POU2F2: variants seen among roughly 807,000 people sequenced by gnomAD.
The protein encoded by POU2F2 is POU domain, class 2, transcription factor 2.
A neutral mutation model predicts 63.5 loss-of-function variants in POU2F2; 14 were observed. The observed-to-expected ratio is 0.22, with a 90% CI of 0.15 to 0.34. POU2F2 has a LOEUF of 0.34. POU2F2 is among the 10% of genes least tolerant of loss of function. The probability of loss-of-function intolerance (pLI) is 1.00; values close to 1 mark genes in which losing one functional copy is unlikely to be tolerated. For synonymous variants in POU2F2, 306 were observed against 348.6 expected, an observed-to-expected ratio of 0.88 and a Z score of 1.36; for missense variants, 607 against 815.2, an observed-to-expected ratio of 0.74 and a Z score of 3.11.
upstream of POU2F2, among the ~76,000 whole-genome samples, chr19:42,197,157 C>G (rs772211025): frequency 3.3e-5 from 5 of 152,190 alleles, no homozygotes; most frequent in African/African-American, 1.2e-4. Context: ...AGGGTCAGGG[C>G]AAGGGAGTGG....
intron 2 of POU2F2, among the ~76,000 whole-genome samples, chr19:42,158,582 G>A (rs1311551062): frequency 6.6e-6 from 1 of 152,150 alleles, no homozygotes; most frequent in Non-Finnish European, 1.5e-5. Context: ...AAAGCAAAGT[G>A]CCCAGAACAG....
intron 1 of POU2F2, among the ~76,000 whole-genome samples, chr19:42,183,424 G>A (rs2034983440): frequency 6.6e-6 from 1 of 152,142 alleles, no homozygotes; most frequent in Non-Finnish European, 1.5e-5. Context: ...GGTTGAAAAG[G>A]GCTGCAGTGG....
chr19:42,145,453 T>C (rs1178404014), intron 2 of POU2F2, among the ~76,000 whole-genome samples: 1 of 152,192 alleles, frequency 6.6e-6, no homozygotes, highest in African/African-American at 2.4e-5. Context: ...TCAGAGGAGT[T>C]TAACTTAACG....
intron 2 of POU2F2, among the ~76,000 whole-genome samples, chr19:42,140,711 C>T (rs1021959337): frequency 6.6e-6 from 1 of 152,222 alleles, no homozygotes; most frequent in Non-Finnish European, 1.5e-5. Context: ...GTCTCTTTCA[C>T]CCTCTAAAAT....
rs1332496819 is a variant in POU2F2, at chr19:42,086,921, G to A, written c.*4336C>T. ...TCTCCTTTTGTTTGTTTAACAAGGA[G>A]CTAACAATTCAAGGACAAATACTTA... On this transcript the variant is annotated 3_prime_UTR_variant, in exon 15 of 15. Coordinates refer to ENST00000692977, the MANE Select transcript of POU2F2 (RefSeq NM_001394376.1). 1 of 152,110 alleles carries A rather than the reference G, an allele frequency of 6.6e-6. No individual in the cohort carries two copies. Among genetic ancestry groups the A allele is most frequent in the Admixed American group, 6.6e-5 (1 of 15,260 alleles). The allele number at this position is 152,110 out of a possible 1,614,324, so 9.4% of individuals were successfully genotyped here.
At position 42,121,808 on chromosome 19, in the gene POU2F2, T is replaced by C. The variant is rs530079339; in HGVS notation, c.186+318A>G. On this transcript the variant is annotated intron_variant, in intron 4 of 14. Coordinates refer to ENST00000692977, the MANE Select transcript of POU2F2 (RefSeq NM_001394376.1). ...CTCAGCTGGCCGCTAAATGTGTATA[T>C]TGGGGGACAGGCGGTGGTGCAGGCC... Among the ~76,000 whole-genome samples, 8 of 152,182 alleles carry C rather than the reference T, an allele frequency of 5.3e-5. No homozygotes were observed. In the East Asian group the frequency reaches 5.8e-4, roughly 11 times the overall value.
intron 5 of POU2F2, among the ~76,000 whole-genome samples, chr19:42,107,362 A>G (rs879868350): frequency 6.6e-6 from 1 of 152,148 alleles, no homozygotes. Flanking sequence ...CTCAAAAAAA[A>G]TTAATTAATT....
rs886386855 is a variant in POU2F2 at position 42,169,864 on chromosome 19, G to C, written c.-70+6099C>G. ...CAGTCTGGATGAGTACCTTTTCTCT[G>C]TCTCTCTCTCTCTCACACACACACC... is the stretch of plus-strand genomic sequence containing the variant. On this transcript the variant is annotated intron_variant, in intron 1 of 6. Transcript: ENST00000524801. This position sits in a 1 kb window ranked among gnomAD's most constrained non-coding sequence, Gnocchi z 4.3. 6.6e-6 allele frequency among the ~76,000 whole-genome samples: 1 copy of C among 151,282 alleles called. No individual in the cohort carries two copies. Among genetic ancestry groups the C allele is most frequent in the South Asian group, 2.1e-4 (1 of 4,788 alleles).
At chr19:42,183,368 T>C (rs2034982861) in intron 1 of POU2F2, among the ~76,000 whole-genome samples, 2 of 152,112 alleles carry the variant, frequency 1.3e-5, no homozygotes, top group Admixed American at 1.3e-4. Context: ...TCCATTTACA[T>C]GAAATTCTAG....
upstream of POU2F2, chr19:42,133,582 CA>C (rs1435658206): frequency 6.5e-6 from 1 of 154,602 alleles, no homozygotes; most frequent in Admixed American, 6.5e-5. The surrounding 1 kb of genome is among the most constrained non-coding windows in gnomAD (Gnocchi z 5.1). Context: ...CGCCTGGACT[CA>C]CCCTCACACA....
upstream of POU2F2, among the ~76,000 whole-genome samples, chr19:42,135,331 A>G (rs1451089727): frequency 6.6e-6 from 1 of 152,088 alleles, no homozygotes; most frequent in African/African-American, 2.4e-5. Flanking sequence ...CCCTCTGCCC[A>G]GTCCCCTTGC....
At chr19:42,100,090 T>TC (rs1255418218) in intron 5 of POU2F2, among the ~76,000 whole-genome samples, 316 of 108,320 alleles carry the variant, frequency 2.9e-3, no homozygotes, top group Non-Finnish European at 5.0e-3. Context: ...TCTTTCTTTT[T>TC]TTTTTTTTTT....
At position 42,096,248 on chromosome 19, in the gene POU2F2, T is replaced by G; in HGVS notation, c.568-5A>C. The G allele has an allele frequency of 6.2e-6, 7 of 1,131,762 alleles. No individual in the cohort carries two copies. The highest frequency in any genetic ancestry group is 1.4e-5 in the South Asian group (1 of 70,994). The allele number at this position is 1,131,762 out of a possible 1,614,324, so 70.1% of individuals were successfully genotyped here. ...CAGCGTAGGGCGGGTCACGGCCTGG[T>G]GGGGTGGGCAGGTGGGTGGGATGCA... On this transcript the variant is annotated splice_region_variant and splice_polypyrimidine_tract_variant and intron_variant, in intron 7 of 14. Coordinates refer to ENST00000692977, the MANE Select transcript of POU2F2 (RefSeq NM_001394376.1). The surrounding 1 kb of genome is among the most constrained non-coding windows in gnomAD (Gnocchi z 4.1).
chr19:42,139,155 C>A (rs953877999), intron 2 of POU2F2, among the ~76,000 whole-genome samples: 1 of 152,056 alleles, frequency 6.6e-6, no homozygotes, highest in African/African-American at 2.4e-5. Flanking sequence ...CCCATCTCTA[C>A]TGAAAAATAC....
At chr19:42,141,986 G>A (rs531408026) in intron 2 of POU2F2, among the ~76,000 whole-genome samples, 11 of 152,242 alleles carry the variant, frequency 7.2e-5, no homozygotes, top group South Asian at 4.1e-4. Flanking sequence ...TATGGATTGC[G>A]GACATGAAAA....
intron 1 of POU2F2, among the ~76,000 whole-genome samples, chr19:42,184,490 T>C (rs2034993904): frequency 6.6e-6 from 1 of 152,082 alleles, no homozygotes; most frequent in Non-Finnish European, 1.5e-5. Flanking sequence ...CCCTCCAACC[T>C]GGATTCCATG....
upstream of POU2F2, chr19:42,133,493 C>CA (rs1250329415): frequency 1.3e-5 from 2 of 154,796 alleles, no homozygotes; most frequent in South Asian, 2.0e-4. The surrounding 1 kb of genome is among the most constrained non-coding windows in gnomAD (Gnocchi z 5.1). Context: ...CCAGACACCC[C>CA]ACATGCCCGC....
Position 42,195,609 on chromosome 19 carries a change from G to A in POU2F2, c.-70+774C>T, listed in dbSNP as rs551429432. On this transcript the variant is annotated intron_variant, in intron 1 of 5. Transcript: ENST00000532176. ...AGCCTCTCAAAGTGCTAGGATTACAGGCATGAGCCACCGCGCCTGGCCCCC... is the reference window on the plus strand; with the variant it reads ...AGCCTCTCAAAGTGCTAGGATTACAAGCATGAGCCACCGCGCCTGGCCCCC... Among the ~76,000 whole-genome samples, 510 of 151,696 alleles carry A rather than the reference G, an allele frequency of 3.4e-3. 1 individual carries two copies. The highest frequency in any genetic ancestry group is 6.3e-3 in the Non-Finnish European group (425 of 67,858).
chr19:42,105,275 G>C lies in POU2F2; in HGVS notation c.370-5454C>G, dbSNP rs55841146. 1.8e-3 allele frequency among the ~76,000 whole-genome samples: 279 copies of C among 152,266 alleles called. 3 individuals carry two copies. Among genetic ancestry groups the C allele is most frequent in the Admixed American group, 2.8e-3 (43 of 15,294 alleles). ...TGTGCTACACGTCTCCCAAGTCAATGCATTTGCTTATGTGTACTTTTCCTC... is the reference window on the plus strand; with the variant it reads ...TGTGCTACACGTCTCCCAAGTCAATCCATTTGCTTATGTGTACTTTTCCTC... On this transcript the variant is annotated intron_variant, in intron 5 of 14. Coordinates refer to ENST00000692977, the MANE Select transcript of POU2F2 (RefSeq NM_001394376.1).
Sources: gnomAD v4.1 joint callset for allele counts (sites outside exome capture counted in the v4.1 genomes callset) on GRCh38, gnomAD v4.1.1 for gene constraint, Gnocchi (gnomAD v3.1) non-coding constraint, MANE v1.5 for transcripts, NCBI Gene and HGNC (gene_info 2026-07-23, HGNC 2026-07-21) for gene names.